CACNA1C: variants seen among roughly 807,000 people sequenced by gnomAD.
The protein encoded by CACNA1C is voltage-dependent L-type calcium channel subunit alpha-1C.
A neutral mutation model predicts 229.0 loss-of-function variants in CACNA1C; 30 were observed. That is an observed-to-expected ratio of 0.13 (90% CI 0.10 to 0.18). The LOEUF (loss-of-function observed/expected upper bound fraction) is 0.18. Ranked by LOEUF, CACNA1C falls within the 10% of genes least tolerant of loss-of-function variation. The pLI, the probability that CACNA1C is intolerant of heterozygous loss-of-function variation, is 1.00. For missense variants in CACNA1C, 1,658 were observed against 2,845.0 expected (o/e 0.58, Z 9.49); for synonymous variants, 1,114 against 1,132.5 (o/e 0.98, Z 0.33).
At chr12:2,259,165 A>G (rs553003435) in intron 3 of CACNA1C, among the ~76,000 whole-genome samples, 5 of 152,320 alleles carry the variant, frequency 3.3e-5, no homozygotes, top group Non-Finnish European at 5.9e-5. Flanking sequence ...GCCCTGAACC[A>G]GCTGCATCAA....
chr12:1,989,487 G>T (rs2038790623), intron 1 of CACNA1C, among the ~76,000 whole-genome samples: 1 of 152,258 alleles, frequency 6.6e-6, no homozygotes, highest in Non-Finnish European at 1.5e-5. Context: ...GGCCAAGGTG[G>T]GTGATCACTT....
intron 3 of CACNA1C, among the ~76,000 whole-genome samples, chr12:2,309,271 A>C (rs901034016): frequency 3.3e-5 from 5 of 152,200 alleles, no homozygotes; most frequent in Non-Finnish European, 5.9e-5. Context: ...TCTCAATTGT[A>C]TGTGGAATCT....
At chr12:2,330,985 T>C (rs2096528495) in intron 3 of CACNA1C, among the ~76,000 whole-genome samples, 4 of 152,170 alleles carry the variant, frequency 2.6e-5, no homozygotes, top group Admixed American at 1.3e-4. Flanking sequence ...ACTGGAAGTC[T>C]CTGCATCAGG....
intron 3 of CACNA1C, among the ~76,000 whole-genome samples, chr12:2,446,359 T>G (rs1401945063): frequency 3.0e-5 from 4 of 131,474 alleles, no homozygotes; most frequent in Non-Finnish European, 4.8e-5. Context: ...TATGTATGTG[T>G]GTGGGTGGGT....
intron 38 of CACNA1C, among the ~76,000 whole-genome samples, chr12:2,671,483 C>T (rs1020373039): frequency 2.0e-5 from 3 of 152,152 alleles, no homozygotes; most frequent in Non-Finnish European, 4.4e-5. Flanking sequence ...ATGTTACTCC[C>T]CTATGTTCAG....
At chr12:2,129,914 G>A (rs2091697121) in intron 3 of CACNA1C, among the ~76,000 whole-genome samples, 1 of 152,188 alleles carries the variant, frequency 6.6e-6, no homozygotes, top group African/African-American at 2.4e-5. Flanking sequence ...CAAAGTTAGA[G>A]TAAATAGATC....
chr12:2,019,018 T>A (rs1483700446), intron 1 of CACNA1C, among the ~76,000 whole-genome samples: 1 of 152,152 alleles, frequency 6.6e-6, no homozygotes, highest in Non-Finnish European at 1.5e-5. Context: ...ACAGATGGGA[T>A]TCTCATGGCT....
chr12:2,424,635 A>G (rs1379535111), intron 3 of CACNA1C, among the ~76,000 whole-genome samples: 1 of 152,020 alleles, frequency 6.6e-6, no homozygotes, highest in African/African-American at 2.4e-5. Context: ...TGGGGCCCAG[A>G]GCATCGACAG....
rs2095262863 is a variant in CACNA1C at position 2,653,908 on chromosome 12, G to C, written c.4140+8G>C. On this transcript the variant is annotated splice_region_variant and intron_variant, in intron 33 of 46. Coordinates refer to ENST00000399655, the MANE Select transcript of CACNA1C (RefSeq NM_000719.7). This position sits in a 1 kb window ranked among gnomAD's most constrained non-coding sequence, Gnocchi z 4.7. ...GCGGTGATCGGGATGCAGGTAGGGA[G>C]GCTCCCACCACGGGGCTCCTGGCCT... 2 of 1,613,068 alleles carry C rather than the reference G, an allele frequency of 1.2e-6. No individual in the cohort carries two copies. The highest frequency in any genetic ancestry group is 2.7e-5 in the African/African-American group (2 of 74,888).
intron 3 of CACNA1C, among the ~76,000 whole-genome samples, chr12:2,413,970 C>T (rs562603741): frequency 6.6e-6 from 1 of 152,186 alleles, no homozygotes; most frequent in South Asian, 2.1e-4. Context: ...TTAAATAACC[C>T]CCCACCCAAG....
intron 8 of CACNA1C, among the ~76,000 whole-genome samples, chr12:2,508,625 C>T (rs2154578458): frequency 6.6e-6 from 1 of 152,216 alleles, no homozygotes; most frequent in African/African-American, 2.4e-5. Flanking sequence ...TGCACTCCAG[C>T]CTGGGTGACA....
intron 1 of CACNA1C, among the ~76,000 whole-genome samples, chr12:2,036,926 G>A (rs1467940479): frequency 6.6e-6 from 1 of 152,218 alleles, no homozygotes; most frequent in African/African-American, 2.4e-5. Flanking sequence ...TACCCTGGGA[G>A]GAAGGTTTGC....
At chr12:2,376,765 A>C (rs1366442412) in intron 3 of CACNA1C, among the ~76,000 whole-genome samples, 1 of 152,140 alleles carries the variant, frequency 6.6e-6, no homozygotes, top group African/African-American at 2.4e-5. Flanking sequence ...GCAATCCTAC[A>C]TTCTTGACTA....
At chr12:2,005,741 T>C (rs2043293319) in intron 1 of CACNA1C, among the ~76,000 whole-genome samples, 1 of 152,220 alleles carries the variant, frequency 6.6e-6, no homozygotes, top group Non-Finnish European at 1.5e-5. Flanking sequence ...AAGACCAATG[T>C]CTCATGCTAC....
chr12:2,491,928 A>G lies in CACNA1C; in HGVS notation c.917-1262A>G, dbSNP rs7136808. Among the ~76,000 whole-genome samples, 2,384 of 151,714 alleles carry G rather than the reference A, an allele frequency of 0.016. 162 individuals are homozygous for G. The East Asian group carries it at 0.23, about 15-fold the overall frequency. The stretch of plus-strand genomic sequence containing the variant: ...TGAAACCAGAAAATAATCCTGGGTT[A>G]TCTGTTGTCTCTAAATGAAGAACTA... On this transcript the variant is annotated intron_variant, in intron 6 of 46. Coordinates refer to ENST00000399655, the MANE Select transcript of CACNA1C (RefSeq NM_000719.7).
At chr12:2,366,682 C>T (rs1254992789) in intron 3 of CACNA1C, among the ~76,000 whole-genome samples, 1 of 152,184 alleles carries the variant, frequency 6.6e-6, no homozygotes, top group African/African-American at 2.4e-5. Flanking sequence ...ACCTTTTTGG[C>T]AGCAGGGACC....
intron 1 of CACNA1C, among the ~76,000 whole-genome samples, chr12:2,012,568 T>A (rs1361498669): frequency 2.6e-5 from 4 of 152,252 alleles, no homozygotes; most frequent in Admixed American, 2.6e-4. Flanking sequence ...ACTCTCTACA[T>A]GCTCAGTAGG....
At chr12:2,592,431 T>C (rs2153324425) in intron 18 of CACNA1C, among the ~76,000 whole-genome samples, 1 of 152,342 alleles carries the variant, frequency 6.6e-6, no homozygotes, top group Admixed American at 6.5e-5. Flanking sequence ...GTCCAGGCGA[T>C]TGGCTGGAGA....
At chr12:2,586,356 G>A (rs1419520981) in intron 18 of CACNA1C, among the ~76,000 whole-genome samples, 2 of 152,158 alleles carry the variant, frequency 1.3e-5, no homozygotes, top group Admixed American at 6.5e-5. Context: ...TGTTGCTTTA[G>A]GCAATGATTT....
Sources: gnomAD v4.1 joint callset for allele counts (sites outside exome capture counted in the v4.1 genomes callset) on GRCh38, gnomAD v4.1.1 for gene constraint, Gnocchi (gnomAD v3.1) non-coding constraint, MANE v1.5 for transcripts, NCBI Gene and HGNC (gene_info 2026-07-23, HGNC 2026-07-21) for gene names.